The following PIGB variants were observed in gnomAD, a reference collection of about 807,000 sequenced individuals.
PIGB encodes phosphatidylinositol glycan anchor biosynthesis class B.
A neutral mutation model predicts 68.4 loss-of-function variants in PIGB; 58 were observed. The observed-to-expected ratio is 0.85, with a 90% CI of 0.69 to 1.06. PIGB has a LOEUF of 1.06. Among genes scored for constraint, PIGB ranks in the 50% least tolerant of loss-of-function variants. The pLI, the probability that PIGB is intolerant of heterozygous loss-of-function variation, is 0.00. For synonymous variants in PIGB, 219 were observed against 220.5 expected (o/e 0.99, Z 0.06); for missense variants, 634 against 655.8 (o/e 0.97, Z 0.36).
At chr15:55,323,168 T>G (rs1221019836) in intron 3 of PIGB, among the ~76,000 whole-genome samples, 1 of 152,224 alleles carries the variant, frequency 6.6e-6, no homozygotes, top group East Asian at 1.9e-4. Context: ...TTGATTATTT[T>G]AAGCAAATTA....
At chr15:55,344,957 G>A (rs1160613277) in intron 9 of PIGB, among the ~76,000 whole-genome samples, 6 of 141,944 alleles carry the variant, frequency 4.2e-5, no homozygotes, top group Admixed American at 1.5e-4. Flanking sequence ...GTGCAGTGGC[G>A]CAATCTCAGC....
chr15:55,326,197 C>CA (rs1267716538), intron 3 of PIGB, among the ~76,000 whole-genome samples: 58 of 70,312 alleles, frequency 8.2e-4, no homozygotes, highest in South Asian at 9.9e-4. Context: ...ACTCTGTCTC[C>CA]AAAAAAAAAA....
At chr15:55,337,531 A>G (rs1315859719) in intron 6 of PIGB, among the ~76,000 whole-genome samples, 3 of 152,172 alleles carry the variant, frequency 2.0e-5, no homozygotes, top group Non-Finnish European at 4.4e-5. Context: ...ATGTCCAGTG[A>G]TCTGAGGTGG....
chr15:55,319,444 C>CT (rs1337039699), intron 1 of PIGB, 31 bp downstream of exon 1: 8 of 1,520,564 alleles, frequency 5.3e-6, no homozygotes, highest in Non-Finnish European at 7.1e-6. Context: ...TGGAGAGCTC[C>CT]TACCCCCATC....
At chr15:55,345,630 G>A (rs1461057385) in intron 9 of PIGB, among the ~76,000 whole-genome samples, 4 of 152,084 alleles carry the variant, frequency 2.6e-5, no homozygotes, top group Non-Finnish European at 4.4e-5. Flanking sequence ...GTGGTGGCAC[G>A]CACCTGTAAT....
intron 9 of PIGB, among the ~76,000 whole-genome samples, chr15:55,344,724 A>G (rs2055750068): frequency 6.6e-6 from 1 of 152,088 alleles, no homozygotes; most frequent in Non-Finnish European, 1.5e-5. Context: ...GAAAGGTGAT[A>G]TTTTAGCAAC....
intron 6 of PIGB, among the ~76,000 whole-genome samples, chr15:55,336,586 G>A (rs2055541494): frequency 6.6e-6 from 1 of 152,172 alleles, no homozygotes; most frequent in Non-Finnish European, 1.5e-5. Context: ...ATTGAATACT[G>A]TACTGAAAGT....
chr15:55,332,016 C>T (rs538028428), intron 5 of PIGB, among the ~76,000 whole-genome samples: 138 of 151,706 alleles, frequency 9.1e-4, no homozygotes, highest in African/African-American at 3.1e-3. Flanking sequence ...CTCTCTCTGT[C>T]GCCCAGGCTG....
chr15:55,321,354 T>C lies in PIGB; in HGVS notation c.381T>C (p.Ile127=). Residue 127 remains isoleucine, a synonymous_variant, in exon 3 of 12, where the codon ATT becomes ATC. Coordinates refer to ENST00000164305, the MANE Select transcript of PIGB (RefSeq NM_004855.5). ...YPLIFASIYK[I]LHLLGKDSVQ... is the part of the protein sequence containing the mutation. ...TAATCTTTGCAAGCATTTACAAGATTCTTCATCTTTTAGGGAAAGATAGTG... is the reference window on the plus strand; with the variant it reads ...TAATCTTTGCAAGCATTTACAAGATCCTTCATCTTTTAGGGAAAGATAGTG... The C allele has an allele frequency of 6.2e-7, 1 of 1,606,836 alleles. No homozygotes were observed. The highest frequency in any genetic ancestry group is 8.5e-7 in the Non-Finnish European group (1 of 1,175,686).
At chr15:55,329,085 T>C (rs997912103) in intron 4 of PIGB, among the ~76,000 whole-genome samples, 5 of 152,226 alleles carry the variant, frequency 3.3e-5, no homozygotes, top group African/African-American at 1.2e-4. Context: ...TGCTTAACAA[T>C]TGCCTCAACT....
At chr15:55,324,416 G>A (rs533272430) in intron 3 of PIGB, among the ~76,000 whole-genome samples, 2 of 152,320 alleles carry the variant, frequency 1.3e-5, no homozygotes, top group African/African-American at 4.8e-5. Flanking sequence ...AACTGCTAAT[G>A]ACTGGGAGTT....
intron 11 of PIGB, 76 bp from the exon 12 acceptor site, chr15:55,355,210 G>T: frequency 8.5e-7 from 1 of 1,180,834 alleles, no homozygotes; most frequent in Non-Finnish European, 1.2e-6. Flanking sequence ...AATTAGAATA[G>T]GCAATTCTAA....
At chr15:55,321,501 A>C in intron 3 of PIGB, 111 bp downstream of exon 3, 1 of 757,202 alleles carries the variant, frequency 1.3e-6, no homozygotes, top group Non-Finnish European at 2.1e-6. Context: ...TACTACAGAC[A>C]TACTGTGATG....
rs765467670 is a variant in PIGB at position 55,319,308 on chromosome 15, A to G, written c.58A>G (p.Thr20Ala). The change falls in exon 1 of 12, where the codon ACT becomes GCT. Residue 20 changes from threonine (T) to alanine (A), a missense_variant. By Grantham distance (58) the Thr-to-Ala change is moderately conservative. Coordinates refer to ENST00000164305, the MANE Select transcript of PIGB (RefSeq NM_004855.5). ...MEPGGGDASL[T>A]LHGLQNRSHG... The stretch of plus-strand genomic sequence containing the variant: ...GCCGGGGGGCGGAGATGCCAGCCTC[A>G]CTTTGCATGGTCTCCAGAACCGCTC... 128 of 1,602,508 alleles carry G rather than the reference A, an allele frequency of 8.0e-5. No individual in the cohort carries two copies. The highest frequency in any genetic ancestry group is 1.0e-4 in the Non-Finnish European group (118 of 1,175,102).
At chr15:55,348,851 T>G (rs567242294) in intron 9 of PIGB, among the ~76,000 whole-genome samples, 1 of 152,340 alleles carries the variant, frequency 6.6e-6, no homozygotes, top group African/African-American at 2.4e-5. Context: ...AGATGTTGTT[T>G]TAGCCTACCA....
At chr15:55,320,797 G>C (rs1374200439) in intron 2 of PIGB, among the ~76,000 whole-genome samples, 1 of 152,038 alleles carries the variant, frequency 6.6e-6, no homozygotes, top group East Asian at 1.9e-4. Flanking sequence ...ACAGATAAGG[G>C]GGGACTACTA....
In PIGB at chr15:55,347,933, C is replaced by A. The variant is rs545609593; in HGVS notation, c.1124-2766C>A. Among the ~76,000 whole-genome samples the A allele has an allele frequency of 2.0e-5, 3 of 151,868 alleles. No individual in the cohort carries two copies. The East Asian group carries it at 5.8e-4, about 29-fold the overall frequency. On this transcript the variant is annotated intron_variant, in intron 9 of 11. Transcript: ENST00000164305. ...TTCACAGTCTTGATCACCAAGTATT[C>A]CCATTTTGTGTCACCCACCTATACT...
At chr15:55,353,998 T>TAAAAATAAAAA (rs112479438) in intron 10 of PIGB, among the ~76,000 whole-genome samples, 3 of 112,034 alleles carry the variant, frequency 2.7e-5, no homozygotes, top group African/African-American at 1.3e-4. Context: ...TCATCTTAAA[T>TAAAAATAAAAA]AAAAAAAAAA....
intron 9 of PIGB, among the ~76,000 whole-genome samples, chr15:55,342,321 G>A (rs1000110993): frequency 6.6e-6 from 1 of 152,170 alleles, no homozygotes; most frequent in Admixed American, 6.6e-5. Context: ...TACTGCTGTT[G>A]AAACTAGTTT....
Sources: gnomAD v4.1 joint callset for allele counts (sites outside exome capture counted in the v4.1 genomes callset) on GRCh38, gnomAD v4.1.1 for gene constraint, MANE v1.5 for transcripts, NCBI Gene and HGNC (gene_info 2026-07-23, HGNC 2026-07-21) for gene names.